SORCS1: variants seen among roughly 807,000 people sequenced by gnomAD.
SORCS1 encodes the protein VPS10 domain-containing receptor SorCS1.
In SORCS1, 60 loss-of-function variants were observed where a neutral mutation model predicts 146.1. That is an observed-to-expected ratio of 0.41 (90% CI 0.33 to 0.51). SORCS1 has a LOEUF of 0.51. SORCS1 is among the 20% of genes least tolerant of loss of function. SORCS1 has a pLI of 0.21. For synonymous variants in SORCS1, 637 were observed against 584.0 expected (o/e 1.09, Z -1.31); for missense variants, 1,352 against 1,487.6 (o/e 0.91, Z 1.50).
At chr10:106,902,610 G>A (rs1045338434) in intron 2 of SORCS1, among the ~76,000 whole-genome samples, 1 of 152,162 alleles carries the variant, frequency 6.6e-6, no homozygotes, top group African/African-American at 2.4e-5. Context: ...CACATGAAGA[G>A]ATTCATAGGT....
chr10:107,147,020 T>C (rs1351855353), intron 1 of SORCS1, among the ~76,000 whole-genome samples: 3 of 152,130 alleles, frequency 2.0e-5, no homozygotes, highest in Non-Finnish European at 4.4e-5. Context: ...ATATTAACTA[T>C]CACCCAACCC....
At chr10:107,017,008 A>G (rs920386754) in intron 1 of SORCS1, among the ~76,000 whole-genome samples, 9 of 152,368 alleles carry the variant, frequency 5.9e-5, no homozygotes, top group African/African-American at 1.7e-4. Flanking sequence ...AGACATGAAA[A>G]TATTGACTTG....
chr10:106,779,547 AT>A (rs11357093), intron 3 of SORCS1, among the ~76,000 whole-genome samples: 5,720 of 84,756 alleles, frequency 0.067, 78 homozygotes, highest in East Asian at 0.12. Flanking sequence ...TATGGCCCAT[AT>A]TTTTTTTTTT....
At chr10:107,029,442 A>G (rs887117774) in intron 1 of SORCS1, among the ~76,000 whole-genome samples, 1 of 152,168 alleles carries the variant, frequency 6.6e-6, no homozygotes. Context: ...TCAACTGCAA[A>G]TATCAGTCTT....
At chr10:107,079,360 T>C (rs1963150640) in intron 1 of SORCS1, among the ~76,000 whole-genome samples, 1 of 152,196 alleles carries the variant, frequency 6.6e-6, no homozygotes, top group Non-Finnish European at 1.5e-5. Context: ...TTTCTGGAAT[T>C]AGGCCATTAT....
intron 1 of SORCS1, among the ~76,000 whole-genome samples, chr10:107,126,119 G>A (rs1490829728): frequency 1.3e-5 from 2 of 151,946 alleles, no homozygotes; most frequent in African/African-American, 4.8e-5. Context: ...TCCTGAATAA[G>A]TCTTTGCTTT....
At chr10:107,086,334 G>T (rs1963757987) in intron 1 of SORCS1, among the ~76,000 whole-genome samples, 1 of 152,198 alleles carries the variant, frequency 6.6e-6, no homozygotes, top group African/African-American at 2.4e-5. Context: ...ATTTTGGGAG[G>T]TTGGGGGCGG....
At chr10:106,670,357 C>T (rs1851495241) in intron 16 of SORCS1, among the ~76,000 whole-genome samples, 1 of 152,202 alleles carries the variant, frequency 6.6e-6, no homozygotes. Context: ...CTAAATGTCT[C>T]AGTACTTCTC....
In SORCS1 at chr10:106,829,598, A is replaced by G; in HGVS notation, c.702T>C (p.Tyr234=). Residue 234 remains tyrosine (Y), a synonymous_variant, in exon 3 of 26, where the codon TAT becomes TAC. Coordinates refer to ENST00000263054, the MANE Select transcript of SORCS1 (RefSeq NM_052918.5). Reference sequence around the variant, plus strand: ...CCTTACGCTTGTTGGTAGGACACACATAGAGATAGCTCAAAATGGTTTTCA... The same window carrying G: ...CCTTACGCTTGTTGGTAGGACACACGTAGAGATAGCTCAAAATGGTTTTCA... ...VGLKTILSYL[Y]VCPTNKRKIM... 1 of 1,604,548 alleles carries G rather than the reference A, an allele frequency of 6.2e-7. No homozygotes were observed.
intron 3 of SORCS1, among the ~76,000 whole-genome samples, chr10:106,815,939 A>C (rs1403803442): frequency 6.6e-6 from 1 of 152,228 alleles, no homozygotes; most frequent in Non-Finnish European, 1.5e-5. Flanking sequence ...TTGAATTTTA[A>C]ATCAAACGGG....
chr10:106,912,123 AAC>A (rs1476556650), intron 2 of SORCS1, among the ~76,000 whole-genome samples: 2 of 146,676 alleles, frequency 1.4e-5, no homozygotes, highest in Non-Finnish European at 1.5e-5. Flanking sequence ...AAAAAAAAAA[AAC>A]AAACAAACAA....
chr10:107,128,107 A>G (rs191986301), intron 1 of SORCS1, among the ~76,000 whole-genome samples: 2 of 152,378 alleles, frequency 1.3e-5, no homozygotes, highest in Non-Finnish European at 2.9e-5. Context: ...ACTCTTCAAT[A>G]TAAGTATAAG....
intron 5 of SORCS1, among the ~76,000 whole-genome samples, chr10:106,735,884 C>T (rs576632080): frequency 4.6e-5 from 7 of 152,204 alleles, no homozygotes; most frequent in Admixed American, 6.5e-5. Flanking sequence ...GAGTATGAGG[C>T]GAAGTTGCAC....
chr10:107,067,320 G>A (rs1305669161), intron 1 of SORCS1, among the ~76,000 whole-genome samples: 1 of 148,748 alleles, frequency 6.7e-6, no homozygotes, highest in Non-Finnish European at 1.5e-5. Flanking sequence ...TTTCCAACAG[G>A]TTGCTGTGCA....
intron 1 of SORCS1, among the ~76,000 whole-genome samples, chr10:107,028,192 C>A (rs958517468): frequency 6.6e-6 from 1 of 152,142 alleles, no homozygotes; most frequent in African/African-American, 2.4e-5. Flanking sequence ...GCTGGTAAAG[C>A]CACTCAGATG....
chr10:106,972,676 T>C (rs1187674033), intron 1 of SORCS1, among the ~76,000 whole-genome samples: 1 of 152,236 alleles, frequency 6.6e-6, no homozygotes, highest in African/African-American at 2.4e-5. Context: ...TTACCCATCA[T>C]AGCTGTGTAG....
At chr10:106,615,652 C>T (rs911577) in intron 21 of SORCS1, among the ~76,000 whole-genome samples, 149,361 of 152,254 alleles carry the variant, frequency 0.98, 73,319 homozygotes, top group East Asian at 1. Flanking sequence ...CATAACTTTC[C>T]GATTATGTAT....
intron 24 of SORCS1, among the ~76,000 whole-genome samples, chr10:106,594,580 C>T (rs143731685): frequency 2.2e-4 from 34 of 152,264 alleles, no homozygotes; most frequent in African/African-American, 7.5e-4. Context: ...TGTGAATGGC[C>T]TCCAGAATTG....
intron 3 of SORCS1, among the ~76,000 whole-genome samples, chr10:106,822,590 A>G (rs965949719): frequency 6.6e-6 from 1 of 152,188 alleles, no homozygotes; most frequent in Non-Finnish European, 1.5e-5. Flanking sequence ...GGAAGAAAAC[A>G]GAACAATGCT....
Sources: allele counts gnomAD v4.1 joint callset (sites outside exome capture counted in the v4.1 genomes callset), GRCh38; gene constraint gnomAD v4.1.1; transcripts MANE v1.5; gene names NCBI Gene and HGNC (gene_info 2026-07-23, HGNC 2026-07-21).